ARHGAP17: variants seen among roughly 807,000 people sequenced by gnomAD.
ARHGAP17 encodes rho GTPase-activating protein 17.
In ARHGAP17, 57 loss-of-function variants were observed where a neutral mutation model predicts 99.5. The observed-to-expected ratio is 0.57, with a 90% CI of 0.46 to 0.71. The LOEUF is 0.71. ARHGAP17 is among the 30% of genes least tolerant of loss of function. The pLI is 0.00. For synonymous variants in ARHGAP17, 417 were observed against 429.6 expected, an observed-to-expected ratio of 0.97 and a Z score of 0.36; for missense variants, 1,000 against 1,122.4, an observed-to-expected ratio of 0.89 and a Z score of 1.56.
In ARHGAP17 at chr16:24,963,902, C is replaced by A. The variant is rs76971869; in HGVS notation, c.573+295G>T. Among the ~76,000 whole-genome samples the A allele has an allele frequency of 2.8e-3, 421 of 152,106 alleles. 7 individuals carry two copies. The highest frequency in any genetic ancestry group is 0.025 in the Admixed American group (389 of 15,276). ...TTTGTATTTCTTATGCATTTTTAATCGCTGTAATTTTATTATATGTTTTGC... is the reference window on the plus strand; with the variant it reads ...TTTGTATTTCTTATGCATTTTTAATAGCTGTAATTTTATTATATGTTTTGC... On this transcript the variant is annotated intron_variant, in intron 7 of 19. Coordinates refer to ENST00000289968, the MANE Select transcript of ARHGAP17 (RefSeq NM_001006634.3).
chr16:24,966,159 A>C (rs552543229), intron 6 of ARHGAP17, among the ~76,000 whole-genome samples: 2 of 152,330 alleles, frequency 1.3e-5, no homozygotes, highest in South Asian at 4.1e-4. Flanking sequence ...TTGAGCAAAG[A>C]TGTATCGCAG....
In ARHGAP17 at chr16:24,968,037, A is replaced by G. The variant is rs1003532165; in HGVS notation, c.461+314T>C. On this transcript the variant is annotated intron_variant, in intron 6 of 19. Coordinates refer to ENST00000289968, the MANE Select transcript of ARHGAP17 (RefSeq NM_001006634.3). The stretch of plus-strand genomic sequence containing the variant: ...GACCCTCATGAGCTGTTAGGGCCAC[A>G]GATGTGTTTATTCCTACACTCTGAG... Among the ~76,000 whole-genome samples the G allele has an allele frequency of 7.9e-5, 12 of 152,286 alleles. No homozygotes were observed. In the East Asian group the frequency reaches 2.3e-3, roughly 29 times the overall value.
rs144434477 is a variant in ARHGAP17, at chr16:24,978,974, G to C, written c.85C>G (p.Leu29Val). Residue 29 changes from leucine to valine, a missense_variant, in exon 2 of 20, where the codon CTA (leucine) becomes GTA (valine). Physicochemically the swap from Leu to Val is conservative, Grantham distance 32. Coordinates refer to ENST00000289968, the MANE Select transcript of ARHGAP17 (RefSeq NM_001006634.3). ...AGACTATATTTTGTTACCTGTAATA[G>C]ATCTTCACTAAGGACTTCTGTTTTC... The part of the protein sequence containing the change: ...AEKTEVLSED[L>V]LQIERRLDTV... The C allele has an allele frequency of 5.0e-6, 8 of 1,587,314 alleles. No individual in the cohort carries two copies. The highest frequency in any genetic ancestry group is 6.8e-6 in the Non-Finnish European group (8 of 1,170,210).
At chr16:24,971,467 T>G (rs1183495486) in intron 3 of ARHGAP17, among the ~76,000 whole-genome samples, 1 of 152,052 alleles carries the variant, frequency 6.6e-6, no homozygotes, top group Non-Finnish European at 1.5e-5. Context: ...GCTGTGATTA[T>G]GGGCATGCAC....
At chr16:24,982,925 G>C (rs1165468883) in intron 1 of ARHGAP17, among the ~76,000 whole-genome samples, 1 of 128,222 alleles carries the variant, frequency 7.8e-6, no homozygotes, top group African/African-American at 3.0e-5. Context: ...AAAAACAGTA[G>C]ACAAAGTGAT....
intron 18 of ARHGAP17, 50 bp downstream of exon 18, chr16:24,935,420 G>A: frequency 1.3e-6 from 2 of 1,533,892 alleles, no homozygotes; most frequent in African/African-American, 1.4e-5. Flanking sequence ...ACTAACTTAA[G>A]GAGGTCTGCA....
chr16:24,933,490 A>G (rs1393757698), intron 18 of ARHGAP17, among the ~76,000 whole-genome samples: 1 of 149,220 alleles, frequency 6.7e-6, no homozygotes, highest in Non-Finnish European at 1.5e-5. Flanking sequence ...TCTAAAAAAC[A>G]TAAGAAAGGA....
chr16:24,999,424 T>TTTAC (rs1219899105), intron 1 of ARHGAP17, among the ~76,000 whole-genome samples: 1 of 151,888 alleles, frequency 6.6e-6, no homozygotes, highest in Non-Finnish European at 1.5e-5. Context: ...TATTTATTTA[T>TTTAC]TTATTTTTTA....
intron 17 of ARHGAP17, among the ~76,000 whole-genome samples, chr16:24,937,686 G>A (rs1426262717): frequency 6.6e-6 from 1 of 152,110 alleles, no homozygotes; most frequent in Non-Finnish European, 1.5e-5. Context: ...AATGCACAAA[G>A]CATTCAGCAT....
intron 1 of ARHGAP17, among the ~76,000 whole-genome samples, chr16:24,980,948 A>C (rs1015831580): frequency 8.5e-5 from 13 of 152,346 alleles, no homozygotes; most frequent in Admixed American, 7.2e-4. Flanking sequence ...CACAAGTTCA[A>C]AAAAAGAGAT....
Position 25,015,348 on chromosome 16 carries a change from A to C in ARHGAP17, c.-87T>G. 2 of 1,159,326 alleles carry C rather than the reference A, an allele frequency of 1.7e-6. No individual in the cohort carries two copies. Among genetic ancestry groups the C allele is most frequent in the Non-Finnish European group, 1.1e-6 (1 of 926,324 alleles). The allele number at this position is 1,159,326 out of a possible 1,614,324, so 71.8% of individuals were successfully genotyped here. A position where few individuals can be genotyped will look rare whatever the true frequency, so the allele number is the denominator to read the frequency against. The stretch of plus-strand genomic sequence containing the variant: ...AGCTACTACATCGCTTCCCGGCCCA[A>C]ACGGCGGCGCGGCGGTGGCTCCCCG... On this transcript the variant is annotated 5_prime_UTR_variant, in exon 1 of 20. Coordinates refer to ENST00000289968, the MANE Select transcript of ARHGAP17 (RefSeq NM_001006634.3).
chr16:24,949,677 A>C (rs577848544), intron 12 of ARHGAP17, among the ~76,000 whole-genome samples, 193 bp from the exon 13 acceptor site: 1 of 152,214 alleles, frequency 6.6e-6, no homozygotes, highest in African/African-American at 2.4e-5. Context: ...TTAACCTTCA[A>C]TCTCTGGATG....
In ARHGAP17 at chr16:24,954,687, T is replaced by C; in HGVS notation, c.768A>G (p.Glu256=). Residue 256 remains glutamate, a synonymous_variant, in exon 10 of 20, where the codon GAA becomes GAG. Transcript: ENST00000289968. ...TCTCGCGCCCGCTCCTCTTCAGGTG[T>C]TCTTCTAGGGGAGTCCCAAAGGCTG... ...EKPAFGTPLE[E]HLKRSGREIA... 1 of 1,614,038 alleles carries C rather than the reference T, an allele frequency of 6.2e-7. No individual in the cohort carries two copies. The highest frequency in any genetic ancestry group is 8.5e-7 in the Non-Finnish European group (1 of 1,179,962).
intron 19 of ARHGAP17, among the ~76,000 whole-genome samples, chr16:24,923,462 T>G (rs532960003): frequency 6.6e-6 from 1 of 152,284 alleles, no homozygotes; most frequent in African/African-American, 2.4e-5. Context: ...CAAAAGATAT[T>G]GTATTTAAAA....
chr16:24,982,985 T>TATATATAC (rs1555467496), intron 1 of ARHGAP17, among the ~76,000 whole-genome samples: 1 of 29,724 alleles, frequency 3.4e-5, no homozygotes, highest in African/African-American at 1.6e-4. Context: ...TATATATATA[T>TATATATAC]ATATATATAT....
chr16:24,944,809 G>T (rs1567220619), intron 14 of ARHGAP17, among the ~76,000 whole-genome samples: 1 of 151,826 alleles, frequency 6.6e-6, no homozygotes, highest in Middle Eastern at 3.4e-3. Flanking sequence ...GTAGAGACAG[G>T]GTTTCACGGT....
intron 9 of ARHGAP17, chr16:24,957,045 C>A (rs1360128856): frequency 6.6e-6 from 1 of 152,164 alleles, no homozygotes; most frequent in Non-Finnish European, 1.5e-5. Context: ...ACATCTTATC[C>A]CAAGTTCACG....
At chr16:24,959,492 G>T (rs866404677) in intron 9 of ARHGAP17, among the ~76,000 whole-genome samples, 179 bp downstream of exon 9, 1 of 152,318 alleles carries the variant, frequency 6.6e-6, no homozygotes, top group East Asian at 1.9e-4. Context: ...GTTAATTTGG[G>T]TTTGGAAGAA....
intron 19 of ARHGAP17, chr16:24,927,718 T>C: frequency 2.5e-6 from 3 of 1,221,688 alleles, no homozygotes; most frequent in Non-Finnish European, 3.2e-6. Flanking sequence ...TTACTGAATA[T>C]GGCAGGTCAT....
Sources: gnomAD v4.1 joint callset for allele counts (sites outside exome capture counted in the v4.1 genomes callset) on GRCh38, gnomAD v4.1.1 for gene constraint, MANE v1.5 for transcripts, NCBI Gene and HGNC (gene_info 2026-07-23, HGNC 2026-07-21) for gene names.